Variants in CDH22 observed in about 807,000 individuals in gnomAD.
CDH22 encodes the protein cadherin 22, also known as cadherin-22.
CDH22 carries 30 observed loss-of-function variants against 58.4 expected under a neutral mutation model. The ratio of observed to expected loss-of-function variants is 0.51; its 90% CI spans 0.38 to 0.70. The LOEUF is 0.70. Ranked by LOEUF, CDH22 falls within the 30% of genes least tolerant of loss-of-function variation. CDH22 has a pLI of 0.00. For synonymous variants in CDH22, 513 were observed against 558.2 expected (o/e 0.92, Z 1.14); for missense variants, 1,014 against 1,233.9 (o/e 0.82, Z 2.67).
intron 1 of CDH22, among the ~76,000 whole-genome samples, chr20:46,287,723 C>T (rs542975548): frequency 6.6e-6 from 1 of 152,164 alleles, no homozygotes; most frequent in African/African-American, 2.4e-5. Context: ...CTATTGAAAG[C>T]TTCCGAAGCA....
intron 1 of CDH22, among the ~76,000 whole-genome samples, chr20:46,306,680 G>C (rs987023954): frequency 3.9e-5 from 6 of 152,192 alleles, no homozygotes; most frequent in Non-Finnish European, 8.8e-5. Context: ...GAACAGTTGA[G>C]TGCTACAGAA....
intron 1 of CDH22, among the ~76,000 whole-genome samples, chr20:46,259,945 A>G (rs894787463): frequency 2.0e-5 from 3 of 152,196 alleles, no homozygotes; most frequent in Non-Finnish European, 4.4e-5. Context: ...TTCATCCCCC[A>G]TCCTTCTTTC....
At chr20:46,279,987 G>A (rs948334349) in intron 1 of CDH22, among the ~76,000 whole-genome samples, 7 of 152,098 alleles carry the variant, frequency 4.6e-5, no homozygotes, top group Non-Finnish European at 8.8e-5. Context: ...CTGTGCTATT[G>A]AGGAGGAAAC....
At position 46,200,729 on chromosome 20, in the gene CDH22, G is replaced by A. The variant is rs77566446; in HGVS notation, c.1287-1170C>T. Among the ~76,000 whole-genome samples, 931 of 152,288 alleles carry A rather than the reference G, an allele frequency of 6.1e-3. 12 individuals are homozygous for A. Among genetic ancestry groups the A allele is most frequent in the African/African-American group, 0.021 (872 of 41,564 alleles). On this transcript the variant is annotated intron_variant, in intron 7 of 11. Transcript: ENST00000537909. The stretch of plus-strand genomic sequence containing the variant: ...CCAGAAATGGCAAACACTGCAAAAT[G>A]GTTCGAACCGGGAAGTGGGGAGAAT...
chr20:46,301,499 A>T (rs901690058), intron 1 of CDH22, among the ~76,000 whole-genome samples: 1 of 116,758 alleles, frequency 8.6e-6, no homozygotes, highest in African/African-American at 3.9e-5. Context: ...CTTGCCTATT[A>T]AAAAAATATA....
chr20:46,291,278 A>AAAAT (rs562944148), intron 1 of CDH22, among the ~76,000 whole-genome samples: 185 of 152,290 alleles, frequency 1.2e-3, no homozygotes, highest in South Asian at 2.7e-3. Flanking sequence ...TTCCATCTCA[A>AAAAT]AAATAAATAA....
chr20:46,185,132 C>T (rs1281186713), intron 10 of CDH22, among the ~76,000 whole-genome samples: 4 of 4,752 alleles, frequency 8.4e-4, no homozygotes, highest in Non-Finnish European at 1.6e-3. Context: ...CACACGCATA[C>T]ACACACACAC....
chr20:46,258,204 A>C (rs1479610482), intron 1 of CDH22, among the ~76,000 whole-genome samples: 2 of 152,086 alleles, frequency 1.3e-5, no homozygotes, highest in Non-Finnish European at 1.5e-5. Flanking sequence ...GAACAGGTTC[A>C]AGAGAACTGG....
chr20:46,237,642 C>T (rs1481039133), intron 3 of CDH22, among the ~76,000 whole-genome samples: 1 of 152,202 alleles, frequency 6.6e-6, no homozygotes, highest in Non-Finnish European at 1.5e-5. Flanking sequence ...ATTGAGTCCC[C>T]CCCACTCCCG....
intron 1 of CDH22, among the ~76,000 whole-genome samples, chr20:46,283,652 A>C (rs1250087030): frequency 6.6e-6 from 1 of 152,124 alleles, no homozygotes; most frequent in East Asian, 1.9e-4. Context: ...TGTCTGGCTC[A>C]TGCCAGCACC....
At chr20:46,236,439 G>C (rs2086251979) in intron 3 of CDH22, among the ~76,000 whole-genome samples, 1 of 146,324 alleles carries the variant, frequency 6.8e-6, no homozygotes, top group Non-Finnish European at 1.5e-5. Flanking sequence ...CCTTTATTCT[G>C]CATAGCACTC....
At chr20:46,187,821 C>T (rs958633987) in intron 8 of CDH22, among the ~76,000 whole-genome samples, 1 of 152,160 alleles carries the variant, frequency 6.6e-6, no homozygotes, top group Non-Finnish European at 1.5e-5. Flanking sequence ...TTTTAAGTAT[C>T]CTTGCAGAAA....
intron 10 of CDH22, among the ~76,000 whole-genome samples, chr20:46,184,212 C>A (rs1021772647): frequency 1.3e-5 from 2 of 152,074 alleles, no homozygotes; most frequent in Non-Finnish European, 2.9e-5. Flanking sequence ...AATTCTCCTG[C>A]CTCAGCCTCT....
At chr20:46,272,715 C>T (rs1049104983) in intron 1 of CDH22, among the ~76,000 whole-genome samples, 4 of 152,164 alleles carry the variant, frequency 2.6e-5, no homozygotes, top group Non-Finnish European at 5.9e-5. Flanking sequence ...TTGTTAGTAT[C>T]CTTGCTAAGA....
chr20:46,184,899 A>G (rs2085813590), intron 10 of CDH22, among the ~76,000 whole-genome samples: 1 of 152,198 alleles, frequency 6.6e-6, no homozygotes, highest in South Asian at 2.1e-4. Context: ...CAGCCTGGCC[A>G]ACATGGCGAA....
At chr20:46,236,576 A>C (rs2086254003) in intron 3 of CDH22, among the ~76,000 whole-genome samples, 2 of 143,084 alleles carry the variant, frequency 1.4e-5, no homozygotes, top group Non-Finnish European at 3.0e-5. Context: ...TATATATTAT[A>C]TATAAATATA....
intron 1 of CDH22, among the ~76,000 whole-genome samples, chr20:46,303,034 G>C (rs1019031735): frequency 2.0e-5 from 3 of 152,064 alleles, no homozygotes; most frequent in Non-Finnish European, 2.9e-5. Flanking sequence ...GAATCTCCAC[G>C]CGCCACTCCC....
At chr20:46,240,226 A>G (rs1204463633) in intron 3 of CDH22, among the ~76,000 whole-genome samples, 1 of 151,804 alleles carries the variant, frequency 6.6e-6, no homozygotes, top group Non-Finnish European at 1.5e-5. Flanking sequence ...GGACCCCAGG[A>G]TGCTCATGTC....
At chr20:46,240,529 C>CTG (rs2086281739) in intron 3 of CDH22, among the ~76,000 whole-genome samples, 1 of 152,058 alleles carries the variant, frequency 6.6e-6, no homozygotes, top group Non-Finnish European at 1.5e-5. Context: ...TCCAGCTGTG[C>CTG]TGTGTGTGTG....
Sources: allele counts gnomAD v4.1 joint callset (sites outside exome capture counted in the v4.1 genomes callset), GRCh38; gene constraint gnomAD v4.1.1; transcripts MANE v1.5; gene names NCBI Gene and HGNC (gene_info 2026-07-23, HGNC 2026-07-21).